Variants in PKIA observed in about 807,000 individuals in gnomAD.
The protein encoded by PKIA is PKI-alpha.
Under a neutral mutation model 7.6 loss-of-function variants are expected in PKIA, and 4 were observed. The ratio of observed to expected loss-of-function variants is 0.52; its 90% CI spans 0.26 to 1.20. The LOEUF (loss-of-function observed/expected upper bound fraction) is 1.20. Among genes scored for constraint, PKIA ranks in the 50% most tolerant of loss-of-function variants. PKIA has a pLI of 0.13. For missense variants in PKIA, 73 were observed against 86.2 expected (o/e 0.85, Z 0.61); for synonymous variants, 21 against 30.7 (o/e 0.68, Z 1.04).
chr8:78,564,705 C>CA (rs886300498), intron 1 of PKIA, among the ~76,000 whole-genome samples: 5 of 150,412 alleles, frequency 3.3e-5, no homozygotes, highest in African/African-American at 7.3e-5. Flanking sequence ...TGTGTAATAA[C>CA]AAAAAAAATG....
chr8:78,527,421 A>G (rs1806272352), intron 1 of PKIA, among the ~76,000 whole-genome samples: 1 of 151,982 alleles, frequency 6.6e-6, no homozygotes, highest in African/African-American at 2.4e-5. Context: ...TTTTCTTCCT[A>G]TTTCAAATAT....
At chr8:78,530,974 C>G (rs1005414910) in intron 1 of PKIA, among the ~76,000 whole-genome samples, 5 of 152,196 alleles carry the variant, frequency 3.3e-5, no homozygotes, top group African/African-American at 1.2e-4. Flanking sequence ...AATATCACCA[C>G]TATAACCTGC....
chr8:78,536,859 TACACACACACACACACACACAC>T lies in PKIA; in HGVS notation c.-157+20420_-157+20441del, dbSNP rs58547049. Among the ~76,000 whole-genome samples the T allele has an allele frequency of 6.9e-4, 94 of 136,126 alleles. 1 individual carries two copies. In the East Asian group the frequency reaches 0.012, roughly 18 times the overall value. 89.3% of individuals were successfully genotyped at this position (136,126 alleles called of 152,430 possible). Reference sequence around the variant, plus strand: ...AACTTATCTGGGTAGCTAGAAAACATACACACACACACACACACACACACACACACACACACACACACACACA... The same window carrying T: ...AACTTATCTGGGTAGCTAGAAAACATACACACACACACACACACACACACA... On this transcript the variant is annotated intron_variant, in intron 1 of 3. Coordinates refer to ENST00000396418, the MANE Select transcript of PKIA (RefSeq NM_006823.4).
At chr8:78,600,812 A>G (rs770355638) in intron 3 of PKIA, among the ~76,000 whole-genome samples, 4 of 152,076 alleles carry the variant, frequency 2.6e-5, no homozygotes, top group Non-Finnish European at 5.9e-5. Flanking sequence ...TGTACTTGCT[A>G]AGAGTAGAGG....
At position 78,601,869 on chromosome 8, in the gene PKIA, A is replaced by G. The variant is rs1287354563; in HGVS notation, c.*48A>G. ...ACACCTGAAAATGTCTCAAATCTCC[A>G]GGAGTATCTGGAATGCATTTGTTTC... is the stretch of plus-strand genomic sequence containing the variant. On this transcript the variant is annotated 3_prime_UTR_variant, in exon 4 of 4. Transcript: ENST00000396418. 20 of 1,389,556 alleles carry G rather than the reference A, an allele frequency of 1.4e-5. No homozygotes were observed. The highest frequency in any genetic ancestry group is 1.9e-5 in the Non-Finnish European group (19 of 980,830). 86.1% of individuals were successfully genotyped at this position (1,389,556 alleles called of 1,614,324 possible). A position where few individuals can be genotyped will look rare whatever the true frequency, so the allele number is the denominator to read the frequency against.
At chr8:78,598,853 C>T (rs1486925222) in intron 3 of PKIA, among the ~76,000 whole-genome samples, 3 of 151,994 alleles carry the variant, frequency 2.0e-5, no homozygotes, top group Non-Finnish European at 4.4e-5. Context: ...CAGTATTTAA[C>T]AAAGTTGGAG....
intron 2 of PKIA, among the ~76,000 whole-genome samples, chr8:78,598,082 TTAA>T (rs201067370): frequency 0.045 from 6,613 of 148,068 alleles, 227 homozygotes; most frequent in Non-Finnish European, 0.063. Context: ...TTATTAATTA[TTAA>T]TAATAATTAA....
At position 78,516,710 on chromosome 8, in the gene PKIA, T is replaced by C. The variant is rs1227247668; in HGVS notation, c.-157+242T>C. The stretch of plus-strand genomic sequence containing the variant: ...ATACTCTTTTGAACGTGATCTACCA[T>C]TTCAGTGCCAGATTCGCGTAGACAG... On this transcript the variant is annotated intron_variant, in intron 1 of 3. Transcript: ENST00000396418. Among the ~76,000 whole-genome samples the C allele has an allele frequency of 2.6e-5, 4 of 152,228 alleles. No individual in the cohort carries two copies. In the East Asian group the frequency reaches 7.7e-4, roughly 29 times the overall value.
chr8:78,535,179 T>C (rs7837755), intron 1 of PKIA: 19,263 of 152,154 alleles, frequency 0.13, 1,288 homozygotes, highest in Middle Eastern at 0.2. Context: ...AGTGAAAGAC[T>C]GGAGAATGGG....
chr8:78,552,157 T>C (rs1447841495), intron 1 of PKIA, among the ~76,000 whole-genome samples: 1 of 151,970 alleles, frequency 6.6e-6, no homozygotes, highest in South Asian at 2.1e-4. Flanking sequence ...CAAATACCCA[T>C]GTTGGGCTGA....
intron 3 of PKIA, 145 bp from the exon 4 acceptor site, chr8:78,601,593 AACTG>A (rs1808348871): frequency 3.0e-6 from 2 of 658,042 alleles, no homozygotes; most frequent in South Asian, 3.6e-5. Flanking sequence ...CTTAGTGGTG[AACTG>A]ACTACCAAGA....
At chr8:78,574,112 ACTTTT>A (rs945158212) in intron 2 of PKIA, among the ~76,000 whole-genome samples, 4 of 151,882 alleles carry the variant, frequency 2.6e-5, no homozygotes, top group South Asian at 2.1e-4. Flanking sequence ...TTACTTGCAA[ACTTTT>A]CTTTTCTTCA....
intron 1 of PKIA, among the ~76,000 whole-genome samples, chr8:78,533,466 G>T (rs1806442604): frequency 6.6e-6 from 1 of 152,032 alleles, no homozygotes; most frequent in African/African-American, 2.4e-5. Context: ...GGCATTTATT[G>T]TACTAGGTGC....
At chr8:78,583,705 T>C (rs771973422) in intron 2 of PKIA, among the ~76,000 whole-genome samples, 2 of 152,046 alleles carry the variant, frequency 1.3e-5, no homozygotes, top group Non-Finnish European at 2.9e-5. Flanking sequence ...AGGTGGGGAC[T>C]GGAGTTGTCA....
intron 1 of PKIA, among the ~76,000 whole-genome samples, chr8:78,572,043 G>A (rs758369653): frequency 5.1e-4 from 77 of 152,226 alleles, no homozygotes; most frequent in Non-Finnish European, 8.4e-4. Context: ...TCTATAACAG[G>A]TATGAGTATA....
chr8:78,526,224 G>T (rs935091958), intron 1 of PKIA, among the ~76,000 whole-genome samples: 1 of 152,038 alleles, frequency 6.6e-6, no homozygotes, highest in Non-Finnish European at 1.5e-5. Flanking sequence ...GACACTGCCA[G>T]TGTCAGGAGA....
At chr8:78,568,363 A>T (rs2118543991) in intron 1 of PKIA, among the ~76,000 whole-genome samples, 1 of 152,238 alleles carries the variant, frequency 6.6e-6, no homozygotes, top group South Asian at 2.1e-4. Flanking sequence ...TTAGGAAGCC[A>T]TTTGTCTAGC....
Position 78,582,589 on chromosome 8 carries a change from G to A in PKIA, c.-28+9650G>A, listed in dbSNP as rs116745294. 4.2e-3 allele frequency among the ~76,000 whole-genome samples: 643 copies of A among 152,076 alleles called. 2 individuals are homozygous for A. The highest frequency in any genetic ancestry group is 0.015 in the African/African-American group (607 of 41,498). ...AAAGCCAAACTGTATCAATGTTTTT[G>A]TTTTCTTTTGATGTTCTTACTGTAC... On this transcript the variant is annotated intron_variant, in intron 2 of 3. Coordinates refer to ENST00000396418, the MANE Select transcript of PKIA (RefSeq NM_006823.4).
chr8:78,595,503 T>C (rs1317913180), intron 2 of PKIA, among the ~76,000 whole-genome samples: 1 of 152,144 alleles, frequency 6.6e-6, no homozygotes, highest in African/African-American at 2.4e-5. Flanking sequence ...AAATTGCATA[T>C]TTCGAGGGTT....
Sources: allele counts gnomAD v4.1 joint callset (sites outside exome capture counted in the v4.1 genomes callset), GRCh38; gene constraint gnomAD v4.1.1; transcripts MANE v1.5; gene names NCBI Gene and HGNC (gene_info 2026-07-23, HGNC 2026-07-21).